Variants in EHF observed in about 807,000 individuals in gnomAD.
EHF encodes the protein ETS homologous factor, also known as ESE3 transcription factor.
Under a neutral mutation model 45.1 loss-of-function variants are expected in EHF, and 14 were observed. The ratio of observed to expected loss-of-function variants is 0.31; its 90% CI spans 0.21 to 0.49. The LOEUF is 0.49. EHF is among the 20% of genes least tolerant of loss of function. The pLI is 0.99. For missense variants in EHF, 282 were observed against 371.4 expected (o/e 0.76, Z 1.98); for synonymous variants, 136 against 131.8 (o/e 1.03, Z -0.22).
intron 2 of EHF, among the ~76,000 whole-genome samples, chr11:34,646,212 A>C (rs937087956): frequency 3.9e-5 from 6 of 151,922 alleles, no homozygotes; most frequent in African/African-American, 1.5e-4. Flanking sequence ...GAGGTGGGGG[A>C]TGAGCTCTGA....
chr11:34,629,859 GT>G (rs5791006), intron 1 of EHF, among the ~76,000 whole-genome samples: 88,079 of 151,114 alleles, frequency 0.58, 26,190 homozygotes, highest in East Asian at 0.65. Context: ...ATTTCCCAAG[GT>G]TTTTTTTTTC....
intron 1 of EHF, among the ~76,000 whole-genome samples, chr11:34,626,350 C>A (rs1013446740): frequency 3.3e-5 from 5 of 152,040 alleles, no homozygotes; most frequent in African/African-American, 1.2e-4. Flanking sequence ...TTGAATAGAG[C>A]AATGGAGATT....
intron 7 of EHF, among the ~76,000 whole-genome samples, 176 bp downstream of exon 7, chr11:34,657,146 C>A (rs1855748977): frequency 6.6e-6 from 1 of 152,200 alleles, no homozygotes; most frequent in African/African-American, 2.4e-5. Flanking sequence ...GCCCCCTCTG[C>A]AGCTGTTTCT....
At chr11:34,655,339 C>T (rs985218041) in intron 6 of EHF, among the ~76,000 whole-genome samples, 3 of 152,126 alleles carry the variant, frequency 2.0e-5, no homozygotes, top group Non-Finnish European at 2.9e-5. Context: ...GGCCCATGAA[C>T]GTTGGGAAAT....
At chr11:34,639,003 A>G (rs1196988886) in intron 1 of EHF, among the ~76,000 whole-genome samples, 3 of 152,210 alleles carry the variant, frequency 2.0e-5, no homozygotes, top group Admixed American at 2.0e-4. Flanking sequence ...GCTAGACAAG[A>G]CACCTTTAGA....
chr11:34,658,467 A>G (rs1244896170), intron 7 of EHF, 66 bp from the exon 8 acceptor site: 6 of 1,403,150 alleles, frequency 4.3e-6, no homozygotes, highest in East Asian at 2.3e-5. Flanking sequence ...ACCTAACTCA[A>G]TGCTCTCTGC....
intron 7 of EHF, 65 bp downstream of exon 7, chr11:34,657,035 A>T: frequency 1.3e-6 from 2 of 1,589,010 alleles, no homozygotes; most frequent in Non-Finnish European, 1.7e-6. Context: ...TCTGGAGGCC[A>T]CTAGTTTTTT....
chr11:34,645,878 T>C (rs1205439663), intron 2 of EHF, among the ~76,000 whole-genome samples: 4 of 152,184 alleles, frequency 2.6e-5, no homozygotes, highest in Admixed American at 6.5e-5. Flanking sequence ...GACATCATGA[T>C]AGCTATAATG....
intron 1 of EHF, among the ~76,000 whole-genome samples, chr11:34,627,121 T>TGTGC (rs761394652): frequency 2.2e-5 from 1 of 45,880 alleles, no homozygotes; most frequent in Non-Finnish European, 6.9e-5. Context: ...TTTGTGTGTG[T>TGTGC]GTGTGTGTGT....
chr11:34,635,252 T>C (rs996758649), intron 1 of EHF, among the ~76,000 whole-genome samples: 3 of 152,062 alleles, frequency 2.0e-5, no homozygotes, highest in Non-Finnish European at 4.4e-5. Context: ...TGGCCTGCGT[T>C]GGTCTCTTCT....
At chr11:34,644,874 A>G (rs1013742044) in intron 2 of EHF, among the ~76,000 whole-genome samples, 1 of 152,230 alleles carries the variant, frequency 6.6e-6, no homozygotes, top group African/African-American at 2.4e-5. Flanking sequence ...CGGCATTTGA[A>G]CAGTATTCCC....
intron 1 of EHF, among the ~76,000 whole-genome samples, chr11:34,638,035 G>T (rs966137155): frequency 6.6e-6 from 1 of 151,908 alleles, no homozygotes; most frequent in African/African-American, 2.4e-5. Flanking sequence ...CCGAGTAGCT[G>T]GGATTACAGG....
intron 1 of EHF, among the ~76,000 whole-genome samples, chr11:34,638,575 G>A (rs1399838438): frequency 2.0e-5 from 3 of 152,178 alleles, no homozygotes; most frequent in African/African-American, 7.2e-5. Flanking sequence ...CTCCACTGGG[G>A]GTGGTTTTTG....
At chr11:34,631,012 A>G (rs925787081) in intron 1 of EHF, among the ~76,000 whole-genome samples, 1 of 152,138 alleles carries the variant, frequency 6.6e-6, no homozygotes, top group African/African-American at 2.4e-5. Flanking sequence ...AAGCTTAAAA[A>G]GAGATATTAT....
chr11:34,645,864 A>G (rs754015383), intron 2 of EHF, among the ~76,000 whole-genome samples: 1 of 152,168 alleles, frequency 6.6e-6, no homozygotes, highest in Non-Finnish European at 1.5e-5. Context: ...CTGAGTAGGG[A>G]AGTGACATCA....
intron 1 of EHF, among the ~76,000 whole-genome samples, chr11:34,641,641 T>C (rs1301546655): frequency 6.6e-6 from 1 of 152,198 alleles, no homozygotes; most frequent in Non-Finnish European, 1.5e-5. Flanking sequence ...TTACAGCCTC[T>C]GGGTATTGCC....
At chr11:34,638,922 G>A (rs1241499065) in intron 1 of EHF, among the ~76,000 whole-genome samples, 1 of 152,186 alleles carries the variant, frequency 6.6e-6, no homozygotes, top group Non-Finnish European at 1.5e-5. Flanking sequence ...TGTGTTAGAG[G>A]AACACCTTGA....
At chr11:34,636,757 GC>G (rs1853450296) in intron 1 of EHF, among the ~76,000 whole-genome samples, 1 of 152,180 alleles carries the variant, frequency 6.6e-6, no homozygotes, top group South Asian at 2.1e-4. Flanking sequence ...CCACGGCCGG[GC>G]CCGGTGGCTC....
At chr11:34,632,753 G>A in intron 1 of EHF, 3 of 1,367,716 alleles carry the variant, frequency 2.2e-6, no homozygotes, top group Non-Finnish European at 3.0e-6. Context: ...GATGACTTTG[G>A]AAGGAGCCAC....
Sources: gnomAD v4.1 joint callset for allele counts (sites outside exome capture counted in the v4.1 genomes callset) on GRCh38, gnomAD v4.1.1 for gene constraint, MANE v1.5 for transcripts, NCBI Gene and HGNC (gene_info 2026-07-23, HGNC 2026-07-21) for gene names.